Variants in SAMD12 observed in about 807,000 individuals in gnomAD.
SAMD12 encodes the protein sterile alpha motif domain containing 12.
SAMD12 carries 9 observed loss-of-function variants against 15.0 expected under a neutral mutation model. The ratio of observed to expected loss-of-function variants is 0.60; its 90% confidence interval spans 0.36 to 1.05. The LOEUF is 1.05. Ranked by LOEUF, SAMD12 falls within the 50% of genes least tolerant of loss-of-function variation. The probability of loss-of-function intolerance (pLI) is 0.01; values close to 1 mark genes in which losing one functional copy is unlikely to be tolerated. For synonymous variants in SAMD12, 86 were observed against 90.1 expected (o/e 0.96, Z 0.25); for missense variants, 230 against 234.2 (o/e 0.98, Z 0.12).
At chr8:118,509,733 A>T (rs900591718) in intron 2 of SAMD12, among the ~76,000 whole-genome samples, 2 of 152,134 alleles carry the variant, frequency 1.3e-5, no homozygotes, top group Non-Finnish European at 2.9e-5. Context: ...AAGTTGTCTC[A>T]ACATTTACAC....
intron 2 of SAMD12, among the ~76,000 whole-genome samples, chr8:118,524,219 T>C (rs890541534): frequency 7.2e-5 from 11 of 152,174 alleles, no homozygotes; most frequent in Admixed American, 5.9e-4. Context: ...CCTTGACCAC[T>C]CCACTGAGAG....
chr8:118,365,306 G>C (rs1481291077), intron 4 of SAMD12, among the ~76,000 whole-genome samples: 1 of 152,128 alleles, frequency 6.6e-6, no homozygotes, highest in Non-Finnish European at 1.5e-5. Flanking sequence ...CCAGATAGTT[G>C]GTGGAACATT....
At chr8:118,495,554 CTT>C (rs10671753) in intron 2 of SAMD12, among the ~76,000 whole-genome samples, 8 of 145,142 alleles carry the variant, frequency 5.5e-5, no homozygotes, top group South Asian at 2.2e-4. Context: ...TTCATGTAGG[CTT>C]TTTTTTTTTT....
chr8:118,367,382 G>A (rs551069604), intron 4 of SAMD12, among the ~76,000 whole-genome samples: 157 of 152,212 alleles, frequency 1.0e-3, no homozygotes, highest in Non-Finnish European at 1.7e-3. Context: ...TTTGAACACC[G>A]CACATATTAG....
the SAMD12 span, among the ~76,000 whole-genome samples, chr8:118,152,408 T>C: frequency 6.6e-6 from 1 of 151,942 alleles, no homozygotes; most frequent in Admixed American, 6.6e-5. Context: ...CTTTCTTTCC[T>C]TTCCTTCCTT....
intron 4 of SAMD12, among the ~76,000 whole-genome samples, chr8:118,347,592 C>T (rs1016483967): frequency 6.6e-6 from 1 of 152,208 alleles, no homozygotes; most frequent in Non-Finnish European, 1.5e-5. Flanking sequence ...TTGAGAAGTA[C>T]TACACTATAA....
At chr8:118,156,604 A>G in the SAMD12 span, among the ~76,000 whole-genome samples, 1 of 152,210 alleles carries the variant, frequency 6.6e-6, no homozygotes, top group South Asian at 2.1e-4. Flanking sequence ...ATGTCCCAGG[A>G]TATCCATTTT....
intron 1 of SAMD12, among the ~76,000 whole-genome samples, chr8:118,617,589 G>A (rs1192273538): frequency 6.6e-6 from 1 of 152,116 alleles, no homozygotes; most frequent in East Asian, 1.9e-4. Flanking sequence ...CACATGAGAG[G>A]TGCTATTCTG....
At chr8:118,251,276 T>C (rs1812814473) in intron 4 of SAMD12, among the ~76,000 whole-genome samples, 1 of 152,120 alleles carries the variant, frequency 6.6e-6, no homozygotes, top group African/African-American at 2.4e-5. Flanking sequence ...TAGTAGTGGT[T>C]GTAAAACCGG....
chr8:118,238,406 ATTG>A (rs1336074483), intron 4 of SAMD12, among the ~76,000 whole-genome samples: 1 of 152,112 alleles, frequency 6.6e-6, no homozygotes, highest in Non-Finnish European at 1.5e-5. Flanking sequence ...GTGCATTCTC[ATTG>A]TTGTGCAAAC....
intron 4 of SAMD12, among the ~76,000 whole-genome samples, chr8:118,213,442 A>G (rs1203350895): frequency 1.3e-5 from 2 of 152,238 alleles, no homozygotes; most frequent in Non-Finnish European, 2.9e-5. Context: ...ATCAGCAGCC[A>G]CCGCAGCTGA....
At chr8:118,507,892 C>T (rs1377227439) in intron 2 of SAMD12, among the ~76,000 whole-genome samples, 1 of 151,882 alleles carries the variant, frequency 6.6e-6, no homozygotes, top group African/African-American at 2.4e-5. Context: ...ATCCCCAGTA[C>T]CCTGAGGGAG....
chr8:118,403,908 G>C (rs970983123), intron 3 of SAMD12, among the ~76,000 whole-genome samples: 1 of 152,208 alleles, frequency 6.6e-6, no homozygotes, highest in East Asian at 1.9e-4. Flanking sequence ...CTTTGCAATA[G>C]AGACAATATA....
chr8:118,527,795 G>A (rs532020553), intron 2 of SAMD12, among the ~76,000 whole-genome samples: 206 of 152,234 alleles, frequency 1.4e-3, no homozygotes, highest in Non-Finnish European at 2.1e-3. Context: ...ATCTGCTGAA[G>A]CTTAGAAAGT....
chr8:118,165,639 T>TATAC, the SAMD12 span, among the ~76,000 whole-genome samples: 2,335 of 138,224 alleles, frequency 0.017, 70 homozygotes, highest in African/African-American at 0.066. Context: ...TATATATACA[T>TATAC]ATATATATAT....
At chr8:118,243,009 T>A (rs191980483) in intron 4 of SAMD12, among the ~76,000 whole-genome samples, 2 of 152,168 alleles carry the variant, frequency 1.3e-5, no homozygotes, top group African/African-American at 4.8e-5. Context: ...GGAAGCTCCA[T>A]CTTTGGTCTA....
intron 4 of SAMD12, among the ~76,000 whole-genome samples, chr8:118,241,270 T>A (rs1812556655): frequency 6.6e-6 from 1 of 152,126 alleles, no homozygotes; most frequent in Admixed American, 6.5e-5. Flanking sequence ...ATCTGTGTAA[T>A]CTGAGGGCAG....
intron 4 of SAMD12, among the ~76,000 whole-genome samples, chr8:118,221,619 T>C (rs1034674429): frequency 4.1e-5 from 6 of 147,206 alleles, no homozygotes; most frequent in Non-Finnish European, 7.7e-5. Context: ...CCTAATCTAG[T>C]GTTTGGAGCC....
At chr8:118,568,489 C>T (rs1246349183) in intron 2 of SAMD12, among the ~76,000 whole-genome samples, 1 of 152,124 alleles carries the variant, frequency 6.6e-6, no homozygotes, top group Non-Finnish European at 1.5e-5. Context: ...ATCTGACTCA[C>T]ACATTAACAA....
Sources: allele counts gnomAD v4.1 joint callset (sites outside exome capture counted in the v4.1 genomes callset), GRCh38; gene constraint gnomAD v4.1.1; transcripts MANE v1.5; gene names NCBI Gene and HGNC (gene_info 2026-07-23, HGNC 2026-07-21).